HPGD: variants seen among roughly 807,000 people sequenced by gnomAD.
HPGD encodes the protein 15-hydroxyprostaglandin dehydrogenase, also known as 15-hydroxyprostaglandin dehydrogenase [NAD(+)].
HPGD carries 29 observed loss-of-function variants against 30.0 expected under a neutral mutation model. That is an observed-to-expected ratio of 0.97 (90% CI 0.72 to 1.32). HPGD has a LOEUF of 1.32. Ranked by LOEUF, HPGD falls within the 40% of genes most tolerant of loss-of-function variation. HPGD has a pLI of 0.00. For synonymous variants in HPGD, 99 were observed against 112.4 expected, an observed-to-expected ratio of 0.88 and a Z score of 0.75; for missense variants, 340 against 322.1, an observed-to-expected ratio of 1.06 and a Z score of -0.43.
intron 3 of HPGD, among the ~76,000 whole-genome samples, chr4:174,511,777 A>G (rs1432012172): frequency 3.9e-5 from 6 of 152,072 alleles, no homozygotes; most frequent in Non-Finnish European, 8.8e-5. Flanking sequence ...CTCCTGAATA[A>G]CTGGGACTAC....
At chr4:174,495,854 T>C (rs189508347) in intron 4 of HPGD, 58 of 547,176 alleles carry the variant, frequency 1.1e-4, no homozygotes, top group Middle Eastern at 1.0e-3. Flanking sequence ...TACACAGAGA[T>C]ACAGCCAAGA....
intron 4 of HPGD, among the ~76,000 whole-genome samples, chr4:174,502,603 G>A (rs1169212107): frequency 4.7e-5 from 7 of 149,000 alleles, no homozygotes; most frequent in Non-Finnish European, 1.5e-5. Context: ...GCGTGAACCC[G>A]AAAGGCGGAG....
chr4:174,493,677 T>C (rs1284007306), intron 5 of HPGD, among the ~76,000 whole-genome samples: 2 of 152,184 alleles, frequency 1.3e-5, no homozygotes, highest in African/African-American at 4.8e-5. Context: ...TAACAAATAA[T>C]ACTTAATTAA....
At chr4:174,514,626 C>G (rs769892790) in intron 3 of HPGD, among the ~76,000 whole-genome samples, 4 of 152,110 alleles carry the variant, frequency 2.6e-5, no homozygotes, top group African/African-American at 4.8e-5. Context: ...TACCCACTCT[C>G]ACCACTCATA....
intron 4 of HPGD, chr4:174,506,701 ATAT>A (rs1285916783): frequency 1.3e-5 from 2 of 152,218 alleles, no homozygotes; most frequent in African/African-American, 4.8e-5. Context: ...TCAATAAATG[ATAT>A]TATATATTTG....
intron 4 of HPGD, chr4:174,508,246 A>G: frequency 1.6e-6 from 1 of 645,076 alleles, no homozygotes; most frequent in African/African-American, 1.8e-5. Flanking sequence ...TACTACATGT[A>G]AGTTTGGCTT....
chr4:174,510,390 G>A (rs1735424884), intron 3 of HPGD, among the ~76,000 whole-genome samples: 1 of 152,182 alleles, frequency 6.6e-6, no homozygotes. Flanking sequence ...TGAAATTAAT[G>A]AAGCCAGTTG....
At chr4:174,495,880 C>T (rs1734573392) in intron 4 of HPGD, 2 of 489,830 alleles carry the variant, frequency 4.1e-6, no homozygotes, top group South Asian at 4.4e-5. Context: ...ATGTGTTTTT[C>T]TGCCTCCCCA....
Position 174,492,134 on chromosome 4 carries a change from A to C in HPGD, c.663-40T>G. 1.3e-6 allele frequency: 2 copies of C among 1,575,488 alleles called. No individual in the cohort carries two copies. The highest frequency in any genetic ancestry group is 1.1e-5 in the South Asian group (1 of 90,202). On this transcript the variant is annotated intron_variant, in intron 6 of 6. Transcript: ENST00000296522. The surrounding 1 kb of genome is among the most constrained non-coding windows in gnomAD (Gnocchi z 4.9). Reference sequence around the variant, plus strand: ...AACAGTATTTTGAAACGAAAGAATGAGGCATATTACCACTTCATTTTAAGT... The same window carrying C: ...AACAGTATTTTGAAACGAAAGAATGCGGCATATTACCACTTCATTTTAAGT...
rs777790888 is a variant in HPGD at position 174,495,637 on chromosome 4, A to C, written c.422-13T>G. The C allele has an allele frequency of 3.8e-6, 6 of 1,593,256 alleles. No individual in the cohort carries two copies. In the Admixed American group the frequency reaches 1.0e-4, roughly 27 times the overall value. The stretch of plus-strand genomic sequence containing the variant: ...ACGGGCATGAGTCCTGAAACAGACA[A>C]ATATAACATTTAAATGCTTTGATGA... On this transcript the variant is annotated splice_polypyrimidine_tract_variant and intron_variant, in intron 4 of 6. Coordinates refer to ENST00000296522, the MANE Select transcript of HPGD (RefSeq NM_000860.6).
At chr4:174,506,558 A>C (rs1735200939) in intron 4 of HPGD, among the ~76,000 whole-genome samples, 1 of 152,172 alleles carries the variant, frequency 6.6e-6, no homozygotes, top group African/African-American at 2.4e-5. Context: ...CTTAGGCAAG[A>C]TATTTCACAC....
intron 3 of HPGD, among the ~76,000 whole-genome samples, chr4:174,509,655 G>T (rs145548465): frequency 5.9e-5 from 9 of 152,236 alleles, no homozygotes; most frequent in Non-Finnish European, 1.0e-4. Flanking sequence ...CGGTGGGAGG[G>T]ATGACACAAC....
chr4:174,497,581 T>C (rs1237858914), intron 4 of HPGD, among the ~76,000 whole-genome samples: 2 of 115,752 alleles, frequency 1.7e-5, no homozygotes, highest in African/African-American at 6.6e-5. Flanking sequence ...TTTTTTTTTT[T>C]TTTTTTTTTT....
intron 2 of HPGD, among the ~76,000 whole-genome samples, chr4:174,519,675 C>G (rs1041335001): frequency 6.6e-6 from 1 of 152,176 alleles, no homozygotes; most frequent in South Asian, 2.1e-4. Context: ...AGCTCCACCA[C>G]TGAGCACCTT....
Position 174,522,381 on chromosome 4 carries a change from G to A in HPGD, c.71C>T (p.Ala24Val), listed in dbSNP as rs370325851. ...TACCTTGGCGCCCTTAAGCAGCAGCGCCTCTGCAAAGGCTCTGCCTATGCC... is the reference window on the plus strand; with the variant it reads ...TACCTTGGCGCCCTTAAGCAGCAGCACCTCTGCAAAGGCTCTGCCTATGCC... ...AQGIGRAFAE[A>V]LLLKGAKVAL... Residue 24 changes from alanine to valine, a missense_variant, in exon 1 of 7, where the codon GCG (alanine) becomes GTG (valine). Physicochemically the swap from Ala to Val is moderately conservative, Grantham distance 64. Coordinates refer to ENST00000296522, the MANE Select transcript of HPGD (RefSeq NM_000860.6). The A allele has an allele frequency of 1.7e-5, 27 of 1,573,806 alleles. No individual in the cohort carries two copies. Among genetic ancestry groups the A allele is most frequent in the African/African-American group, 2.7e-5 (2 of 74,120 alleles).
chr4:174,492,227 T>A lies in HPGD; in HGVS notation c.663-133A>T. 1.3e-6 allele frequency: 1 copy of A among 754,222 alleles called. No homozygotes were observed. Among genetic ancestry groups the A allele is most frequent in the Non-Finnish European group, 2.2e-6 (1 of 445,606 alleles). 46.7% of individuals were successfully genotyped at this position (754,222 alleles called of 1,614,324 possible). ...ATGTGTGTCATTAAACTATTGCTAC[T>A]TCCAATTTTTATTTAATTCCATATT... On this transcript the variant is annotated intron_variant, in intron 6 of 6. Coordinates refer to ENST00000296522, the MANE Select transcript of HPGD (RefSeq NM_000860.6). The surrounding 1 kb of genome is among the most constrained non-coding windows in gnomAD (Gnocchi z 4.9).
At chr4:174,509,160 C>T (rs761708644) in intron 3 of HPGD, among the ~76,000 whole-genome samples, 5 of 152,160 alleles carry the variant, frequency 3.3e-5, no homozygotes, top group African/African-American at 4.8e-5. Flanking sequence ...TACCCTTCTT[C>T]TCTGCATATG....
At position 174,502,551 on chromosome 4, in the gene HPGD, G is replaced by A. The variant is rs1313507978; in HGVS notation, c.421+6145C>T. Among the ~76,000 whole-genome samples, 4 of 152,078 alleles carry A rather than the reference G, an allele frequency of 2.6e-5. No individual in the cohort carries two copies. The South Asian group carries it at 6.2e-4, about 24-fold the overall frequency. ...AAATTAGCCAGGCGTGGTGGCGGGC[G>A]CCTGTAGTCTCAGCTACTCAGGAGG... On this transcript the variant is annotated intron_variant, in intron 4 of 6. Coordinates refer to ENST00000296522, the MANE Select transcript of HPGD (RefSeq NM_000860.6).
At chr4:174,507,113 C>T (rs1240581625) in intron 4 of HPGD, 1 of 152,054 alleles carries the variant, frequency 6.6e-6, no homozygotes, top group Non-Finnish European at 1.5e-5. Flanking sequence ...TGCCAATTTG[C>T]TTTTAGGGTT....
Sources: allele counts gnomAD v4.1 joint callset (sites outside exome capture counted in the v4.1 genomes callset), GRCh38; gene constraint gnomAD v4.1.1; non-coding constraint Gnocchi (gnomAD v3.1); transcripts MANE v1.5; gene names NCBI Gene and HGNC (gene_info 2026-07-23, HGNC 2026-07-21).